Variants in TRPC4 observed in about 807,000 individuals in gnomAD.
TRPC4 encodes the protein short transient receptor potential channel 4.
A neutral mutation model predicts 99.4 loss-of-function variants in TRPC4; 49 were observed. The ratio of observed to expected loss-of-function variants is 0.49; its 90% CI spans 0.39 to 0.63. The LOEUF (loss-of-function observed/expected upper bound fraction) is 0.63, where lower values mean the gene tolerates loss of function less well. TRPC4 is among the 20% of genes least tolerant of loss of function. The probability of loss-of-function intolerance (pLI) is 0.00; values close to 1 mark genes in which losing one functional copy is unlikely to be tolerated. For missense variants in TRPC4, 898 were observed against 1,152.9 expected (o/e 0.78, Z 3.20); for synonymous variants, 454 against 425.9 (o/e 1.07, Z -0.81).
rs1566054365 is a variant in TRPC4 at position 37,634,833 on chromosome 13, GCT to G, written c.*2068_*2069del. Among the ~76,000 whole-genome samples, 1 of 151,978 alleles carries G rather than the reference GCT, an allele frequency of 6.6e-6. No homozygotes were observed. Among genetic ancestry groups the G allele is most frequent in the Non-Finnish European group, 1.5e-5 (1 of 67,960 alleles). On this transcript the variant is annotated 3_prime_UTR_variant, in exon 11 of 11. Transcript: ENST00000379705. Reference sequence around the variant, plus strand: ...GAGTATTTCAGTAGCCCCAGGATTTGCTCTGAGTCCTAATATACTTGAGATAA... The same window carrying G: ...GAGTATTTCAGTAGCCCCAGGATTTGCTGAGTCCTAATATACTTGAGATAA...
At chr13:37,786,289 GACACAC>G (rs10549960) in intron 1 of TRPC4, among the ~76,000 whole-genome samples, 1,942 of 141,032 alleles carry the variant, frequency 0.014, 25 homozygotes, top group African/African-American at 0.032. Context: ...CAGGGAGAAA[GACACAC>G]ACACACACAC....
chr13:37,730,191 T>C (rs1955198576), intron 3 of TRPC4, among the ~76,000 whole-genome samples: 1 of 152,026 alleles, frequency 6.6e-6, no homozygotes, highest in Non-Finnish European at 1.5e-5. Flanking sequence ...AGATTAGGCC[T>C]ATTTTAAAAA....
At chr13:37,776,737 T>C (rs551100696) in intron 2 of TRPC4, among the ~76,000 whole-genome samples, 147 of 152,080 alleles carry the variant, frequency 9.7e-4, no homozygotes, top group African/African-American at 3.3e-3. Context: ...GCAGACTTGT[T>C]CCAAAGCCCA....
In TRPC4 at chr13:37,636,274, T is replaced by A. The variant is rs1489234882; in HGVS notation, c.*629A>T. Among the ~76,000 whole-genome samples the A allele has an allele frequency of 6.6e-6, 1 of 152,056 alleles. No homozygotes were observed. Among genetic ancestry groups the A allele is most frequent in the Non-Finnish European group, 1.5e-5 (1 of 67,988 alleles). On this transcript the variant is annotated 3_prime_UTR_variant, in exon 11 of 11. Coordinates refer to ENST00000379705, the MANE Select transcript of TRPC4 (RefSeq NM_016179.4). ...ATCAAAATGTATTAAGACAAACACT[T>A]CTTTTACTTACTGAAAGGAAACCCT...
intron 5 of TRPC4, among the ~76,000 whole-genome samples, chr13:37,673,797 A>C (rs189315661): frequency 1.3e-5 from 2 of 152,324 alleles, no homozygotes; most frequent in Admixed American, 1.3e-4. Flanking sequence ...TTTATACTGA[A>C]ATAATAATTT....
chr13:37,649,066 T>C (rs1951939137), intron 8 of TRPC4, among the ~76,000 whole-genome samples: 1 of 152,074 alleles, frequency 6.6e-6, no homozygotes, highest in Non-Finnish European at 1.5e-5. Flanking sequence ...AAAGGTAGTA[T>C]ATTATGACAG....
chr13:37,710,488 C>G (rs1254968902), intron 3 of TRPC4, among the ~76,000 whole-genome samples: 1 of 151,842 alleles, frequency 6.6e-6, no homozygotes, highest in Non-Finnish European at 1.5e-5. Flanking sequence ...AGAAAAAGTA[C>G]TTCATGAGAT....
chr13:37,846,864 G>T (rs1354446540), intron 1 of TRPC4, among the ~76,000 whole-genome samples: 1 of 151,856 alleles, frequency 6.6e-6, no homozygotes, highest in African/African-American at 2.4e-5. Context: ...GAAATGATTG[G>T]AAAAAAGTAT....
At chr13:37,793,830 G>T (rs1445863561) in intron 1 of TRPC4, among the ~76,000 whole-genome samples, 1 of 152,144 alleles carries the variant, frequency 6.6e-6, no homozygotes, top group Non-Finnish European at 1.5e-5. Flanking sequence ...TCTTTTGAAA[G>T]GTTCAAGTTG....
At chr13:37,798,976 G>A (rs1043057947) in intron 1 of TRPC4, among the ~76,000 whole-genome samples, 4 of 151,032 alleles carry the variant, frequency 2.6e-5, no homozygotes, top group Non-Finnish European at 4.4e-5. Context: ...CTGTTGCCCA[G>A]GCTGGAATAC....
chr13:37,745,411 G>A (rs1217679734), intron 3 of TRPC4, among the ~76,000 whole-genome samples: 2 of 135,588 alleles, frequency 1.5e-5, no homozygotes, highest in Non-Finnish European at 3.0e-5. Context: ...GATACAGAAG[G>A]CTGATTATTT....
At chr13:37,831,203 A>T (rs1270510248) in intron 1 of TRPC4, among the ~76,000 whole-genome samples, 1 of 152,168 alleles carries the variant, frequency 6.6e-6, no homozygotes, top group African/African-American at 2.4e-5. Context: ...AAAACAAACA[A>T]CCCTAATAAA....
At position 37,632,834 on chromosome 13, in the gene TRPC4, A is replaced by G. The variant is rs1333159549; in HGVS notation, c.*4069T>C. On this transcript the variant is annotated 3_prime_UTR_variant, in exon 11 of 11. Transcript: ENST00000379705. ...CTTAACACAACTTTGTAGAAAAACA[A>G]AAGATAATATGGTATTAATTCTGAA... is the stretch of plus-strand genomic sequence containing the variant. 1.3e-5 allele frequency among the ~76,000 whole-genome samples: 2 copies of G among 152,332 alleles called. No individual in the cohort carries two copies. Among genetic ancestry groups the G allele is most frequent in the African/African-American group, 4.8e-5 (2 of 41,604 alleles).
chr13:37,745,452 A>T (rs865884437), intron 3 of TRPC4, among the ~76,000 whole-genome samples: 1 of 2,776 alleles, frequency 3.6e-4, no homozygotes, highest in South Asian at 0.011. Context: ...ATATATATAT[A>T]TATATATATA....
At chr13:37,823,587 T>A (rs1213351134) in intron 1 of TRPC4, among the ~76,000 whole-genome samples, 1 of 152,000 alleles carries the variant, frequency 6.6e-6, no homozygotes, top group Non-Finnish European at 1.5e-5. Context: ...CTTGTAGATA[T>A]GTGGCGTTAT....
In TRPC4 at chr13:37,639,072, T is replaced by C. The variant is rs749258848; in HGVS notation, c.2179A>G (p.Thr727Ala). 6.2e-7 allele frequency: 1 copy of C among 1,613,650 alleles called. No individual in the cohort carries two copies. Among genetic ancestry groups the C allele is most frequent in the Non-Finnish European group, 8.5e-7 (1 of 1,179,632 alleles). ...YVAAMIRDAK[T>A]EEGLTEENFK... ...TTCTCTTCGGTCAGGCCTTCTTCAG[T>C]TTTAGCATCTCTAATCATTGCAGCA... Residue 727 changes from threonine (T) to alanine (A), a missense_variant, in exon 10 of 11, where the codon ACT (threonine) becomes GCT (alanine). Thr to Ala is a moderately conservative substitution (Grantham distance 58). Coordinates refer to ENST00000379705, the MANE Select transcript of TRPC4 (RefSeq NM_016179.4).
At chr13:37,706,427 A>G in intron 3 of TRPC4, among the ~76,000 whole-genome samples, 1 of 152,144 alleles carries the variant, frequency 6.6e-6, no homozygotes, top group East Asian at 1.9e-4. Context: ...GCTTGAGGGT[A>G]GGGTAAGAAG....
At chr13:37,820,221 G>T (rs753838510) in intron 1 of TRPC4, among the ~76,000 whole-genome samples, 2 of 151,672 alleles carry the variant, frequency 1.3e-5, no homozygotes, top group African/African-American at 4.8e-5. Flanking sequence ...CTGGAAACAC[G>T]CAACCTCCCA....
At chr13:37,804,651 A>T (rs924949439) in intron 1 of TRPC4, among the ~76,000 whole-genome samples, 1 of 152,126 alleles carries the variant, frequency 6.6e-6, no homozygotes, top group African/African-American at 2.4e-5. Context: ...GAAGTAAATA[A>T]GATTAATTTG....
Sources: allele counts gnomAD v4.1 joint callset (sites outside exome capture counted in the v4.1 genomes callset), GRCh38; gene constraint gnomAD v4.1.1; transcripts MANE v1.5; gene names NCBI Gene and HGNC (gene_info 2026-07-23, HGNC 2026-07-21).